The following HOMER2 variants were observed in gnomAD, a reference collection of about 807,000 sequenced individuals.
HOMER2 encodes the protein homer protein homolog 2.
In HOMER2, 27 loss-of-function variants were observed where a neutral mutation model predicts 47.0. That is an observed-to-expected ratio of 0.57 (90% CI 0.42 to 0.79). HOMER2 has a LOEUF of 0.79. Ranked by LOEUF, HOMER2 falls within the 30% of genes least tolerant of loss-of-function variation. The pLI is 0.00. For missense variants in HOMER2, 443 were observed against 435.0 expected, an observed-to-expected ratio of 1.02 and a Z score of -0.16; for synonymous variants, 161 against 163.8, an observed-to-expected ratio of 0.98 and a Z score of 0.13.
chr15:82,955,919 G>A (rs1392444563), upstream of HOMER2, among the ~76,000 whole-genome samples: 2 of 152,040 alleles, frequency 1.3e-5, no homozygotes, highest in Non-Finnish European at 2.9e-5. Context: ...GGATGGTCAG[G>A]AATGGCCTGT....
chr15:82,867,133 G>A (rs1201423362), intron 3 of HOMER2, among the ~76,000 whole-genome samples: 1 of 152,018 alleles, frequency 6.6e-6, no homozygotes, highest in Non-Finnish European at 1.5e-5. Flanking sequence ...CCACAAACCT[G>A]TAGCATGATA....
At chr15:82,986,135 G>T (rs185792449), upstream of HOMER2, 3,791 of 984,868 alleles carry the variant, frequency 3.8e-3, 8 homozygotes, top group Non-Finnish European at 4.3e-3. Context: ...GTTGCAAAGC[G>T]ATCCACACGG....
At chr15:82,906,524 C>T (rs922089643) in intron 1 of HOMER2, among the ~76,000 whole-genome samples, 7 of 151,960 alleles carry the variant, frequency 4.6e-5, no homozygotes, top group African/African-American at 1.7e-4. Flanking sequence ...CCTCCGCCTC[C>T]CGGGTTCAAG....
At chr15:82,983,901 A>T (rs2151266106) in intron 1 of HOMER2, among the ~76,000 whole-genome samples, 1 of 151,846 alleles carries the variant, frequency 6.6e-6, no homozygotes, top group South Asian at 2.1e-4. Flanking sequence ...TCCTTCCCTG[A>T]TTTCTACCAA....
chr15:82,977,681 ACT>A (rs1355601511), intron 1 of HOMER2, among the ~76,000 whole-genome samples: 1 of 152,146 alleles, frequency 6.6e-6, no homozygotes, highest in African/African-American at 2.4e-5. Context: ...TAGCACTTAC[ACT>A]CTAGCAGGAA....
chr15:82,952,977 A>C (rs1173067972), upstream of HOMER2, among the ~76,000 whole-genome samples: 1 of 152,132 alleles, frequency 6.6e-6, no homozygotes, highest in Non-Finnish European at 1.5e-5. Flanking sequence ...GCCCTGGCGC[A>C]GTGCCATCAA....
chr15:82,917,833 G>T (rs977718646), intron 1 of HOMER2, among the ~76,000 whole-genome samples: 1 of 152,138 alleles, frequency 6.6e-6, no homozygotes, highest in African/African-American at 2.4e-5. Context: ...TATCACATGT[G>T]CCCAGCAAGG....
At chr15:82,863,106 G>A (rs1352297364) in intron 4 of HOMER2, among the ~76,000 whole-genome samples, 6 of 151,994 alleles carry the variant, frequency 3.9e-5, no homozygotes, top group Admixed American at 1.3e-4. Context: ...TGAGGCTGAT[G>A]GTCAAGTCTA....
chr15:82,849,594 G>A lies in HOMER2; in HGVS notation c.*121C>T. 1.2e-6 allele frequency: 1 copy of A among 814,752 alleles called. No homozygotes were observed. The allele number at this position is 814,752 out of a possible 1,614,324, so 50.5% of individuals were successfully genotyped here. ...AGTGAGTGGACGGCACAACTGGTTT[G>A]GAAACACGACAAACTGCGCCTGCAT... On this transcript the variant is annotated 3_prime_UTR_variant, in exon 9 of 9. Transcript: ENST00000450735.
At chr15:82,943,385 A>G (rs1195556761) in intron 1 of HOMER2, among the ~76,000 whole-genome samples, 2 of 152,158 alleles carry the variant, frequency 1.3e-5, no homozygotes, top group Non-Finnish European at 2.9e-5. Flanking sequence ...CGCTCAGTCC[A>G]CTTGGAGGAG....
At chr15:82,896,233 A>C (rs2052912965) in intron 1 of HOMER2, among the ~76,000 whole-genome samples, 2 of 152,082 alleles carry the variant, frequency 1.3e-5, no homozygotes, top group Middle Eastern at 6.8e-3. Flanking sequence ...TTCCGCAAGC[A>C]CTCTCTGTCC....
At position 82,849,695 on chromosome 15, in the gene HOMER2, G is replaced by T; in HGVS notation, c.*20C>A. 1 of 1,606,382 alleles carries T rather than the reference G, an allele frequency of 6.2e-7. No individual in the cohort carries two copies. The highest frequency in any genetic ancestry group is 8.5e-7 in the Non-Finnish European group (1 of 1,176,358). On this transcript the variant is annotated 3_prime_UTR_variant, in exon 9 of 9. Coordinates refer to ENST00000450735, the MANE Select transcript of HOMER2 (RefSeq NM_004839.4). ...ACACACGCTTGGGACTCACGGGCGG[G>T]GCCTGGGCCTCGGCCAGCCCTAGTT...
At chr15:82,898,189 A>C (rs1307318922) in intron 1 of HOMER2, among the ~76,000 whole-genome samples, 1 of 152,248 alleles carries the variant, frequency 6.6e-6, no homozygotes, top group Non-Finnish European at 1.5e-5. Context: ...CACAAAATTC[A>C]GAAAAGCAGA....
rs139446233 is a variant in HOMER2 at position 82,940,845 on chromosome 15, T to C, written c.5+11686A>G. On this transcript the variant is annotated intron_variant, in intron 1 of 8. Transcript: ENST00000450735. ...AGGTTGAGGCTGCAGTGAGCTATGA[T>C]TGCACTGCACTGGAGTGTACTCCCT... Among the ~76,000 whole-genome samples, 352 of 152,008 alleles carry C rather than the reference T, an allele frequency of 2.3e-3. 2 individuals carry two copies. Among genetic ancestry groups the C allele is most frequent in the Non-Finnish European group, 2.1e-3 (143 of 67,958 alleles).
chr15:82,921,545 A>G (rs1215247031), intron 1 of HOMER2, among the ~76,000 whole-genome samples: 10 of 152,184 alleles, frequency 6.6e-5, no homozygotes, highest in Non-Finnish European at 1.5e-5. Flanking sequence ...CCACACTCCC[A>G]GTCTTGGCTC....
intron 1 of HOMER2, among the ~76,000 whole-genome samples, chr15:82,971,994 T>C (rs2151258028): frequency 6.6e-6 from 1 of 152,302 alleles, no homozygotes; most frequent in East Asian, 1.9e-4. Flanking sequence ...TGCTTCAAGG[T>C]TGTATATTCG....
At chr15:82,956,531 A>G (rs1360472343), upstream of HOMER2, among the ~76,000 whole-genome samples, 1 of 152,190 alleles carries the variant, frequency 6.6e-6, no homozygotes, top group Non-Finnish European at 1.5e-5. Context: ...TATTGTTAAA[A>G]TATCACTCAC....
intron 1 of HOMER2, among the ~76,000 whole-genome samples, chr15:82,925,468 T>C (rs1306221013): frequency 1.3e-5 from 2 of 152,168 alleles, no homozygotes; most frequent in African/African-American, 4.8e-5. Flanking sequence ...GTGTGTCAGT[T>C]TCAGAGGGTG....
Position 82,851,204 on chromosome 15 carries a change from C to A in HOMER2, c.790G>T (p.Glu264Ter). Residue 264 changes from glutamate (E) to a stop codon, truncating the protein, a stop_gained, in exon 8 of 9, where the codon GAA (glutamate) becomes TAA (stop). Transcript: ENST00000450735. LOFTEE classifies it high-confidence loss of function. ...TCTGACATGAGCTGAGGTATGATTTCACTTTGTTTTCGGAGATCTTTCAGC... is the reference window on the plus strand; with the variant it reads ...TCTGACATGAGCTGAGGTATGATTTAACTTTGTTTTCGGAGATCTTTCAGC... ...TELKDLRKQS[E>*]IIPQLMSECE... 6.4e-7 allele frequency: 1 copy of A among 1,567,794 alleles called. No individual in the cohort carries two copies.
Sources: gnomAD v4.1 joint callset for allele counts (sites outside exome capture counted in the v4.1 genomes callset) on GRCh38, gnomAD v4.1.1 for gene constraint, MANE v1.5 for transcripts, NCBI Gene and HGNC (gene_info 2026-07-23, HGNC 2026-07-21) for gene names.